The following CCDC171 variants were observed in gnomAD, a reference collection of about 807,000 sequenced individuals.
CCDC171 encodes coiled-coil domain containing 171.
CCDC171 carries 177 observed loss-of-function variants against 168.2 expected under a neutral mutation model. The observed-to-expected ratio is 1.05, with a 90% CI of 0.93 to 1.19. CCDC171 has a LOEUF of 1.19. CCDC171 is among the 50% of genes most tolerant of loss of function. The pLI is 0.00. For synonymous variants in CCDC171, 687 were observed against 540.8 expected (o/e 1.27, Z -3.75); for missense variants, 1,991 against 1,539.0 (o/e 1.29, Z -4.91).
intron 21 of CCDC171, among the ~76,000 whole-genome samples, chr9:15,840,565 A>G (rs2060635680): frequency 6.6e-6 from 1 of 152,156 alleles, no homozygotes; most frequent in Non-Finnish European, 1.5e-5. Context: ...TTATAGCAGC[A>G]TCATGATGGT....
intron 23 of CCDC171, among the ~76,000 whole-genome samples, chr9:15,856,318 A>G (rs561954408): frequency 6.6e-6 from 1 of 151,976 alleles, no homozygotes; most frequent in African/African-American, 2.4e-5. Flanking sequence ...ATACCTATTT[A>G]TTAACAACTC....
In CCDC171 at chr9:15,683,274, T is replaced by C. The variant is rs542769275; in HGVS notation, c.1215+4378T>C. ...TTTGGGGGTTTAACTGATTATATAA[T>C]AGTAATGATTGCTAGCATTAAATAT... On this transcript the variant is annotated intron_variant, in intron 10 of 25. Coordinates refer to ENST00000380701, the MANE Select transcript of CCDC171 (RefSeq NM_173550.4). Among the ~76,000 whole-genome samples the C allele has an allele frequency of 2.0e-5, 3 of 152,132 alleles. No individual in the cohort carries two copies. In the East Asian group the frequency reaches 5.8e-4, roughly 29 times the overall value.
At chr9:15,867,756 A>C (rs890456980) in intron 23 of CCDC171, among the ~76,000 whole-genome samples, 1 of 152,094 alleles carries the variant, frequency 6.6e-6, no homozygotes, top group African/African-American at 2.4e-5. Context: ...AACTAATTTC[A>C]GCGTGTATCT....
intron 9 of CCDC171, among the ~76,000 whole-genome samples, chr9:15,670,126 C>T (rs2049007915): frequency 6.6e-6 from 1 of 152,100 alleles, no homozygotes; most frequent in Non-Finnish European, 1.5e-5. Flanking sequence ...CCTACTCTTG[C>T]TCCACTTACT....
intron 5 of CCDC171, among the ~76,000 whole-genome samples, chr9:15,592,555 G>A (rs991800939): frequency 6.6e-6 from 1 of 152,090 alleles, no homozygotes; most frequent in African/African-American, 2.4e-5. Flanking sequence ...TTCCACATCA[G>A]TAGTCATAGT....
intron 7 of CCDC171, among the ~76,000 whole-genome samples, chr9:15,641,691 C>G (rs930595533): frequency 2.6e-5 from 4 of 152,010 alleles, no homozygotes; most frequent in Non-Finnish European, 2.9e-5. Context: ...CTTAAGTGTA[C>G]TAGATGATCT....
At chr9:16,009,643 A>G (rs1300480338) in intron 3 of CCDC171, among the ~76,000 whole-genome samples, 2 of 152,306 alleles carry the variant, frequency 1.3e-5, no homozygotes, top group African/African-American at 2.4e-5. Context: ...AACCACATAC[A>G]TCAATAGTCA....
intron 10 of CCDC171, among the ~76,000 whole-genome samples, chr9:15,680,186 C>G (rs182277704): frequency 6.6e-6 from 1 of 152,192 alleles, no homozygotes; most frequent in African/African-American, 2.4e-5. Flanking sequence ...CTAGATTCCA[C>G]TATAGTACTT....
At chr9:15,934,800 T>C (rs940499054) in intron 25 of CCDC171, among the ~76,000 whole-genome samples, 14 of 152,046 alleles carry the variant, frequency 9.2e-5, no homozygotes, top group Admixed American at 2.6e-4. Flanking sequence ...AGCCAAACCA[T>C]GGACGAATAA....
intron 23 of CCDC171, among the ~76,000 whole-genome samples, chr9:15,873,015 G>A (rs540711774): frequency 2.4e-4 from 37 of 152,134 alleles, no homozygotes; most frequent in African/African-American, 7.9e-4. Context: ...TGTGAATTGA[G>A]ACTCCAGCAT....
chr9:15,970,788 T>C (rs996714938), intron 25 of CCDC171, among the ~76,000 whole-genome samples: 11 of 152,188 alleles, frequency 7.2e-5, no homozygotes, highest in Admixed American at 2.6e-4. Flanking sequence ...ATACTTATAA[T>C]AGTCTTTATC....
intron 10 of CCDC171, among the ~76,000 whole-genome samples, chr9:15,694,494 C>T (rs545675453): frequency 6.6e-6 from 1 of 152,150 alleles, no homozygotes; most frequent in African/African-American, 2.4e-5. Flanking sequence ...AAGAAGCAAG[C>T]AAGTAAACAA....
At chr9:15,989,579 ATGACTT>A (rs1033408102) in intron 3 of CCDC171, among the ~76,000 whole-genome samples, 22 of 152,228 alleles carry the variant, frequency 1.4e-4, no homozygotes, top group East Asian at 3.8e-4. Context: ...TGGATGGAGA[ATGACTT>A]TGACGAGTTG....
At chr9:16,035,152 C>T (rs1390531332) in intron 6 of CCDC171, among the ~76,000 whole-genome samples, 2 of 152,204 alleles carry the variant, frequency 1.3e-5, no homozygotes, top group Non-Finnish European at 2.9e-5. Context: ...CTGCAGCTCT[C>T]AGCTAATTCA....
intron 7 of CCDC171, among the ~76,000 whole-genome samples, chr9:15,631,153 G>A (rs1003798075): frequency 6.6e-6 from 1 of 151,824 alleles, no homozygotes; most frequent in African/African-American, 2.4e-5. Flanking sequence ...CTAGCAGAAG[G>A]CAAGAAATAA....
Position 15,583,801 on chromosome 9 carries a change from T to G in CCDC171, c.352+4778T>G, listed in dbSNP as rs146393766. 2.6e-3 allele frequency among the ~76,000 whole-genome samples: 396 copies of G among 152,196 alleles called. 15 individuals are homozygous for G. The highest frequency in any genetic ancestry group is 0.023 in the Admixed American group (349 of 15,280). On this transcript the variant is annotated intron_variant, in intron 4 of 25. Coordinates refer to ENST00000380701, the MANE Select transcript of CCDC171 (RefSeq NM_173550.4). The stretch of plus-strand genomic sequence containing the variant: ...ATAAAAAATAAAATGTGAAAAAAAT[T>G]GTCCTTGATTAAAAAAAAAAGTGTT...
chr9:15,582,410 C>T (rs1212327114), intron 4 of CCDC171, among the ~76,000 whole-genome samples: 1 of 152,162 alleles, frequency 6.6e-6, no homozygotes, highest in Admixed American at 6.6e-5. Flanking sequence ...TACCATTTGA[C>T]CCAGCCATCC....
At chr9:15,906,425 A>G (rs533760236) in intron 24 of CCDC171, among the ~76,000 whole-genome samples, 7 of 152,356 alleles carry the variant, frequency 4.6e-5, no homozygotes, top group East Asian at 3.9e-4. Flanking sequence ...CAAAATCCAT[A>G]TGATTATCTC....
rs540814860 is a variant in CCDC171 at position 15,578,928 on chromosome 9, A to G, written c.257A>G (p.Tyr86Cys). 8 of 1,614,038 alleles carry G rather than the reference A, an allele frequency of 5.0e-6. No homozygotes were observed. The East Asian group carries it at 1.6e-4, about 31-fold the overall frequency. The change falls in exon 4 of 26, where the codon TAT becomes TGT. Residue 86 changes from tyrosine to cysteine, a missense_variant. Tyr to Cys is a radical substitution (Grantham distance 194). Coordinates refer to ENST00000380701, the MANE Select transcript of CCDC171 (RefSeq NM_173550.4). ...GAAGCATTGCGACAAAGTCTGGAAT[A>G]TGACCTAGCTGTTGCTAGAAAGGAA... The part of the protein sequence containing the change: ...KGEALRQSLE[Y>C]DLAVARKEAG...
Sources: gnomAD v4.1 joint callset for allele counts (sites outside exome capture counted in the v4.1 genomes callset) on GRCh38, gnomAD v4.1.1 for gene constraint, MANE v1.5 for transcripts, NCBI Gene and HGNC (gene_info 2026-07-23, HGNC 2026-07-21) for gene names.